The following CREB5 variants were observed in gnomAD, a reference collection of about 807,000 sequenced individuals.
The protein encoded by CREB5 is cAMP responsive element binding protein 5.
CREB5 carries 19 observed loss-of-function variants against 57.1 expected under a neutral mutation model. That is an observed-to-expected ratio of 0.33 (90% CI 0.23 to 0.49). The LOEUF is 0.49. Ranked by LOEUF, CREB5 falls within the 20% of genes least tolerant of loss-of-function variation. CREB5 has a pLI of 0.99. For synonymous variants in CREB5, 238 were observed against 238.3 expected, an observed-to-expected ratio of 1.00 and a Z score of 0.01; for missense variants, 579 against 671.6, an observed-to-expected ratio of 0.86 and a Z score of 1.52.
intron 1 of CREB5, among the ~76,000 whole-genome samples, chr7:28,385,023 C>T (rs1194303766): frequency 6.6e-6 from 1 of 151,974 alleles, no homozygotes; most frequent in Non-Finnish European, 1.5e-5. Context: ...CAAGTATTAA[C>T]ATTAGTTATC....
At chr7:28,370,987 C>A (rs1467862303) in intron 1 of CREB5, among the ~76,000 whole-genome samples, 1 of 152,180 alleles carries the variant, frequency 6.6e-6, no homozygotes, top group African/African-American at 2.4e-5. Flanking sequence ...GGAATGAGTT[C>A]TTCCCTAGAC....
chr7:28,367,672 G>A (rs773954242), intron 1 of CREB5, among the ~76,000 whole-genome samples: 2 of 152,122 alleles, frequency 1.3e-5, no homozygotes, highest in Non-Finnish European at 2.9e-5. Context: ...GCCAGGCGTG[G>A]CAGCGCATGC....
chr7:28,731,771 A>T (rs1416884277), intron 7 of CREB5, among the ~76,000 whole-genome samples: 1 of 152,182 alleles, frequency 6.6e-6, no homozygotes, highest in Admixed American at 6.5e-5. Context: ...CAGGGGTGAA[A>T]GAGGCCAATC....
At chr7:28,520,764 G>A (rs1311369626) in intron 4 of CREB5, among the ~76,000 whole-genome samples, 1 of 152,232 alleles carries the variant, frequency 6.6e-6, no homozygotes, top group African/African-American at 2.4e-5. Context: ...GAGCCGTGTT[G>A]TAAATGGAGC....
Position 28,329,036 on chromosome 7 carries a change from G to A in CREB5, c.-25+29595G>A, listed in dbSNP as rs147784500. 6.2e-3 allele frequency among the ~76,000 whole-genome samples: 941 copies of A among 151,640 alleles called. 2 individuals carry two copies. The highest frequency in any genetic ancestry group is 8.0e-3 in the Non-Finnish European group (540 of 67,640). ...TTTTGTTATGTCAAGTAACACAGGT[G>A]TCTGTAAACATCACTTCAGTGTAAC... On this transcript the variant is annotated intron_variant, in intron 1 of 9. Coordinates refer to the CREB5 transcript ENST00000396299.
chr7:28,809,440 C>T (rs372543604), intron 9 of CREB5, 26 bp downstream of exon 9: 12 of 1,569,996 alleles, frequency 7.6e-6, no homozygotes, highest in South Asian at 5.8e-5. Flanking sequence ...TCTTTCCCCG[C>T]GACTCAAAGG....
chr7:28,303,425 A>C (rs1005674415), intron 1 of CREB5, among the ~76,000 whole-genome samples: 6 of 152,248 alleles, frequency 3.9e-5, no homozygotes, highest in African/African-American at 1.4e-4. Flanking sequence ...ATACTATAAC[A>C]ATAAATCAAG....
intron 5 of CREB5, among the ~76,000 whole-genome samples, chr7:28,578,340 G>T (rs552245690): frequency 6.6e-6 from 1 of 152,126 alleles, no homozygotes; most frequent in African/African-American, 2.4e-5. Context: ...CATGGCTTGT[G>T]GTGTTTAGAG....
intron 3 of CREB5, among the ~76,000 whole-genome samples, chr7:28,497,659 A>C (rs1300509199): frequency 6.6e-6 from 1 of 152,188 alleles, no homozygotes; most frequent in Non-Finnish European, 1.5e-5. Context: ...ATGCAGAGCT[A>C]TACAGTCTGG....
At chr7:28,481,569 C>T (rs1791334868) in intron 1 of CREB5, among the ~76,000 whole-genome samples, 1 of 152,246 alleles carries the variant, frequency 6.6e-6, no homozygotes, top group South Asian at 2.1e-4. Context: ...GCGTTTCAAG[C>T]TTGAGGGCTG....
intron 1 of CREB5, among the ~76,000 whole-genome samples, chr7:28,484,019 CCATTCCA>C (rs777584959): frequency 2.0e-5 from 3 of 152,192 alleles, no homozygotes; most frequent in Non-Finnish European, 4.4e-5. Context: ...GGATCATTAT[CCATTCCA>C]CAAATATTTA....
intron 4 of CREB5, among the ~76,000 whole-genome samples, chr7:28,546,235 A>G (rs1583606547): frequency 6.6e-6 from 1 of 152,318 alleles, no homozygotes; most frequent in Middle Eastern, 3.4e-3. Flanking sequence ...ATTCTCTTTA[A>G]TGGCCAAATA....
chr7:28,409,487 A>T (rs1787675730), upstream of CREB5: 1 of 158,410 alleles, frequency 6.3e-6, no homozygotes, highest in African/African-American at 2.4e-5. This position sits in a 1 kb window ranked among gnomAD's most constrained non-coding sequence, Gnocchi z 4.4. Flanking sequence ...CTTTTGTTGC[A>T]CTTGCCGCAG....
chr7:28,513,233 A>C (rs996297831), intron 4 of CREB5, among the ~76,000 whole-genome samples: 5 of 152,232 alleles, frequency 3.3e-5, no homozygotes, highest in Admixed American at 6.5e-5. Context: ...ATGGAAAATA[A>C]AAGATGCCAA....
intron 4 of CREB5, among the ~76,000 whole-genome samples, chr7:28,517,363 C>G (rs548503501): frequency 7.9e-5 from 12 of 152,196 alleles, no homozygotes; most frequent in African/African-American, 1.2e-4. Context: ...TAAGTTATTT[C>G]CATACTGAAA....
intron 5 of CREB5, among the ~76,000 whole-genome samples, chr7:28,610,720 T>C (rs1220320464): frequency 6.6e-6 from 1 of 152,174 alleles, no homozygotes; most frequent in Non-Finnish European, 1.5e-5. Context: ...AATGGAGGAT[T>C]TTCATCACTG....
At chr7:28,411,072 CA>C (rs1357142966), upstream of CREB5, among the ~76,000 whole-genome samples, 4 of 152,182 alleles carry the variant, frequency 2.6e-5, no homozygotes, top group African/African-American at 9.7e-5. Context: ...GATCAGCGCG[CA>C]ATCCGCCCTT....
intron 4 of CREB5, among the ~76,000 whole-genome samples, chr7:28,544,418 C>G (rs1794333891): frequency 6.6e-6 from 1 of 152,186 alleles, no homozygotes; most frequent in Non-Finnish European, 1.5e-5. Flanking sequence ...GGCACCATCT[C>G]TTTTTAATAT....
chr7:28,818,736 A>G (rs1216697373), intron 10 of CREB5: 1 of 462,276 alleles, frequency 2.2e-6, no homozygotes, highest in African/African-American at 2.0e-5. Flanking sequence ...GCTGAAGGTC[A>G]ATTTATTTTC....
Sources: gnomAD v4.1 joint callset for allele counts (sites outside exome capture counted in the v4.1 genomes callset) on GRCh38, gnomAD v4.1.1 for gene constraint, Gnocchi (gnomAD v3.1) non-coding constraint, MANE v1.5 for transcripts, NCBI Gene and HGNC (gene_info 2026-07-23, HGNC 2026-07-21) for gene names.